The following CWC27 variants were observed in gnomAD, a reference collection of about 807,000 sequenced individuals.
The protein encoded by CWC27 is CWC27 spliceosome associated cyclophilin.
A neutral mutation model predicts 63.6 loss-of-function variants in CWC27; 47 were observed. The ratio of observed to expected loss-of-function variants is 0.74; its 90% confidence interval spans 0.58 to 0.94. CWC27 has a LOEUF of 0.94. Ranked by LOEUF, CWC27 falls within the 40% of genes least tolerant of loss-of-function variation. The pLI, the probability that CWC27 is intolerant of heterozygous loss-of-function variation, is 0.00. For synonymous variants in CWC27, 175 were observed against 179.8 expected, an observed-to-expected ratio of 0.97 and a Z score of 0.22; for missense variants, 495 against 554.3, an observed-to-expected ratio of 0.89 and a Z score of 1.07.
In CWC27 at chr5:64,873,999, CAT is replaced by C. The variant is rs1023932479; in HGVS notation, c.939-11443_939-11442del. Reference sequence around the variant, plus strand: ...GACTGTAAATATGTGTGATAATTCACATGTTTTGTCAATTTATGGTGTCTCAA... The same window carrying C: ...GACTGTAAATATGTGTGATAATTCACGTTTTGTCAATTTATGGTGTCTCAA... On this transcript the variant is annotated intron_variant, in intron 10 of 13. Transcript: ENST00000381070. 5.0e-4 allele frequency among the ~76,000 whole-genome samples: 76 copies of C among 151,964 alleles called. 1 individual carries two copies. Among genetic ancestry groups the C allele is most frequent in the African/African-American group, 1.6e-3 (66 of 41,386 alleles).
rs375306932 is a variant in CWC27 at position 64,856,327 on chromosome 5, ATAT to A, written c.939-29112_939-29110del. On this transcript the variant is annotated intron_variant, in intron 10 of 13. Transcript: ENST00000381070. ...TGAATAGTTTCCCTAGTTAGGAGAA[ATAT>A]TATACTGTAATTTACTGTAAAACTG... Among the ~76,000 whole-genome samples the A allele has an allele frequency of 8.5e-3, 1,290 of 152,142 alleles. 23 individuals carry two copies. Among genetic ancestry groups the A allele is most frequent in the African/African-American group, 0.03 (1,242 of 41,524 alleles).
intron 4 of CWC27, 139 bp from the exon 5 acceptor site, chr5:64,785,342 G>A: frequency 2.4e-6 from 1 of 415,280 alleles, no homozygotes; most frequent in Non-Finnish European, 4.3e-6. Context: ...TGCTTTATTT[G>A]CATTATTAAA....
At chr5:64,952,562 A>G (rs1748729092) in intron 11 of CWC27, among the ~76,000 whole-genome samples, 1 of 152,036 alleles carries the variant, frequency 6.6e-6, no homozygotes. Context: ...TTGTGTGTCT[A>G]GAACCTGGAG....
chr5:64,931,525 G>A (rs901366843), intron 11 of CWC27, among the ~76,000 whole-genome samples: 2 of 151,252 alleles, frequency 1.3e-5, no homozygotes, highest in Non-Finnish European at 3.0e-5. Flanking sequence ...GAAAGGTAAA[G>A]GGACTTAACC....
intron 11 of CWC27, among the ~76,000 whole-genome samples, chr5:64,917,535 G>A (rs184657822): frequency 6.6e-6 from 1 of 152,316 alleles, no homozygotes; most frequent in East Asian, 1.9e-4. Context: ...CTGTGTGTCT[G>A]TGAAGGTGTT....
intron 13 of CWC27, 124 bp downstream of exon 13, chr5:64,977,362 C>T (rs1034643001): frequency 3.8e-5 from 22 of 584,632 alleles, no homozygotes; most frequent in African/African-American, 5.7e-5. Flanking sequence ...TATAGGACCT[C>T]GGCAACTTTT....
chr5:64,832,198 G>A (rs1265765000), intron 10 of CWC27, among the ~76,000 whole-genome samples: 1 of 151,844 alleles, frequency 6.6e-6, no homozygotes, highest in Non-Finnish European at 1.5e-5. Context: ...CATTAGTCAT[G>A]TGGAAAGCAT....
chr5:64,928,695 T>A (rs939633825), intron 11 of CWC27, among the ~76,000 whole-genome samples: 1 of 152,136 alleles, frequency 6.6e-6, no homozygotes, highest in Non-Finnish European at 1.5e-5. Flanking sequence ...GTAGAAGTGA[T>A]AGGGAGGCAA....
chr5:64,962,648 G>T (rs1009902373), intron 11 of CWC27, among the ~76,000 whole-genome samples: 1 of 152,170 alleles, frequency 6.6e-6, no homozygotes, highest in Admixed American at 6.5e-5. Flanking sequence ...CTGAATGTAT[G>T]CTATTTATAT....
intron 10 of CWC27, among the ~76,000 whole-genome samples, chr5:64,838,190 G>C (rs954297916): frequency 6.6e-6 from 1 of 152,102 alleles, no homozygotes; most frequent in Non-Finnish European, 1.5e-5. Flanking sequence ...GGATTGACAG[G>C]AGGAGAACAT....
At chr5:64,886,784 T>C (rs984316588) in intron 11 of CWC27, among the ~76,000 whole-genome samples, 15 of 152,054 alleles carry the variant, frequency 9.9e-5, no homozygotes, top group Non-Finnish European at 1.8e-4. Flanking sequence ...TATTTAAAAA[T>C]TAACTGAAGT....
chr5:64,840,899 A>G (rs545239946), intron 10 of CWC27, among the ~76,000 whole-genome samples: 1 of 152,192 alleles, frequency 6.6e-6, no homozygotes, highest in African/African-American at 2.4e-5. Context: ...AGAGCTTTGT[A>G]AGGGAGAATT....
At chr5:64,878,470 T>TAAAAAGAAAAAAAAAAAA (rs1746850015) in intron 10 of CWC27, among the ~76,000 whole-genome samples, 1 of 26,914 alleles carries the variant, frequency 3.7e-5, no homozygotes, top group Non-Finnish European at 7.1e-5. Flanking sequence ...GGTTACAGAT[T>TAAAAAGAAAAAAAAAAAA]AAAAAAAAAA....
chr5:64,796,006 T>C (rs1385069831), intron 7 of CWC27, among the ~76,000 whole-genome samples: 3 of 129,530 alleles, frequency 2.3e-5, no homozygotes, highest in Admixed American at 1.5e-4. Context: ...ATTGTGCGTG[T>C]GTGTGTGTGT....
chr5:64,850,743 C>A (rs561145188), intron 10 of CWC27, among the ~76,000 whole-genome samples: 10 of 152,024 alleles, frequency 6.6e-5, no homozygotes, highest in African/African-American at 2.4e-4. Context: ...AAATTAAAAC[C>A]TGGGGACGGG....
intron 7 of CWC27, among the ~76,000 whole-genome samples, chr5:64,796,510 T>G (rs1197091326): frequency 2.0e-5 from 3 of 152,190 alleles, no homozygotes; most frequent in African/African-American, 7.2e-5. Flanking sequence ...TTCAACTGAT[T>G]AGATGGGGCC....
At chr5:64,916,456 T>C (rs1477607232) in intron 11 of CWC27, among the ~76,000 whole-genome samples, 1 of 152,122 alleles carries the variant, frequency 6.6e-6, no homozygotes, top group Non-Finnish European at 1.5e-5. Context: ...ATTTAAGCCA[T>C]AGGATGGGAT....
intron 10 of CWC27, chr5:64,807,936 C>T: frequency 7.0e-7 from 1 of 1,430,048 alleles, no homozygotes; most frequent in Non-Finnish European, 9.1e-7. Context: ...CATCTAGCTT[C>T]TCACCTACCA....
chr5:64,864,576 A>G (rs1746490426), intron 10 of CWC27, among the ~76,000 whole-genome samples: 1 of 152,180 alleles, frequency 6.6e-6, no homozygotes, highest in South Asian at 2.1e-4. Context: ...TTAATTTCCC[A>G]GATGTCACCT....
Sources: allele counts gnomAD v4.1 joint callset (sites outside exome capture counted in the v4.1 genomes callset), GRCh38; gene constraint gnomAD v4.1.1; transcripts MANE v1.5; gene names NCBI Gene and HGNC (gene_info 2026-07-23, HGNC 2026-07-21).